Variants in ROBO1 observed in about 807,000 individuals in gnomAD.
ROBO1 encodes the protein roundabout homolog 1.
In ROBO1, 149 loss-of-function variants were observed where a neutral mutation model predicts 195.9. The observed-to-expected ratio is 0.76, with a 90% CI of 0.67 to 0.87. The LOEUF is 0.87. Ranked by LOEUF, ROBO1 falls within the 40% of genes least tolerant of loss-of-function variation. ROBO1 has a pLI of 0.00. For synonymous variants in ROBO1, 816 were observed against 733.2 expected (o/e 1.11, Z -1.82); for missense variants, 1,933 against 2,068.3 (o/e 0.93, Z 1.27).
intron 10 of ROBO1, among the ~76,000 whole-genome samples, chr3:78,680,634 T>C (rs1216036876): frequency 6.0e-5 from 9 of 150,248 alleles, no homozygotes; most frequent in African/African-American, 2.0e-4. Flanking sequence ...CACAATGAGA[T>C]ACCATCTCAC....
At chr3:79,687,186 C>T (rs1182648770) in intron 1 of ROBO1, among the ~76,000 whole-genome samples, 2 of 152,182 alleles carry the variant, frequency 1.3e-5, no homozygotes, top group Non-Finnish European at 2.9e-5. Flanking sequence ...GAAGCTGCGT[C>T]CCTTCTTTAC....
At chr3:79,339,967 A>G (rs897058839) in intron 2 of ROBO1, among the ~76,000 whole-genome samples, 1 of 152,100 alleles carries the variant, frequency 6.6e-6, no homozygotes, top group African/African-American at 2.4e-5. Flanking sequence ...TGATCTTACA[A>G]TTTAATGACA....
At chr3:79,321,650 C>G (rs1463117393) in intron 2 of ROBO1, among the ~76,000 whole-genome samples, 3 of 152,082 alleles carry the variant, frequency 2.0e-5, no homozygotes, top group Non-Finnish European at 2.9e-5. Flanking sequence ...TGATATGAAC[C>G]CTATAATAAG....
intron 2 of ROBO1, among the ~76,000 whole-genome samples, chr3:79,319,423 T>A (rs2033880874): frequency 6.6e-6 from 1 of 152,176 alleles, no homozygotes; most frequent in Admixed American, 6.5e-5. Context: ...AAATTTTTCA[T>A]TGATCAATTG....
chr3:79,394,525 G>A (rs1012878490), intron 2 of ROBO1, among the ~76,000 whole-genome samples: 9 of 151,266 alleles, frequency 5.9e-5, no homozygotes, highest in Non-Finnish European at 1.2e-4. Flanking sequence ...CATATATACA[G>A]ATATAGATAT....
chr3:78,830,925 GT>G (rs1450954093), intron 4 of ROBO1, among the ~76,000 whole-genome samples: 1 of 151,590 alleles, frequency 6.6e-6, no homozygotes, highest in Non-Finnish European at 1.5e-5. Context: ...TTTTGTTTTT[GT>G]TTTTGAGATG....
intron 2 of ROBO1, among the ~76,000 whole-genome samples, chr3:79,243,720 C>T (rs2082567955): frequency 6.6e-6 from 1 of 152,072 alleles, no homozygotes; most frequent in South Asian, 2.1e-4. Context: ...ATCGTAGATT[C>T]TGGATATTAG....
intron 4 of ROBO1, among the ~76,000 whole-genome samples, chr3:78,920,548 G>A (rs1310846997): frequency 6.7e-6 from 1 of 148,158 alleles, no homozygotes; most frequent in African/African-American, 2.5e-5. Context: ...CTGATGATCC[G>A]CCCACCTCGG....
At chr3:79,150,645 A>C (rs928418856) in intron 2 of ROBO1, among the ~76,000 whole-genome samples, 4 of 151,850 alleles carry the variant, frequency 2.6e-5, no homozygotes, top group Admixed American at 1.3e-4. Context: ...AAACATTAAA[A>C]ATTCCTAAGA....
intron 4 of ROBO1, among the ~76,000 whole-genome samples, chr3:78,777,519 C>A (rs1179359182): frequency 6.6e-6 from 1 of 152,106 alleles, no homozygotes; most frequent in Non-Finnish European, 1.5e-5. Flanking sequence ...AACCAGCATT[C>A]TTCATATTTG....
intron 2 of ROBO1, among the ~76,000 whole-genome samples, chr3:79,224,162 AG>A (rs2082187177): frequency 6.6e-6 from 1 of 152,172 alleles, no homozygotes; most frequent in African/African-American, 2.4e-5. Flanking sequence ...ACAGAAAAAA[AG>A]GTCTTGAACA....
At chr3:79,676,930 T>C (rs1264927781) in intron 1 of ROBO1, among the ~76,000 whole-genome samples, 1 of 152,068 alleles carries the variant, frequency 6.6e-6, no homozygotes, top group Non-Finnish European at 1.5e-5. Flanking sequence ...GATTGAGGGC[T>C]CTGAATGGAT....
intron 2 of ROBO1, among the ~76,000 whole-genome samples, chr3:79,263,610 C>G (rs2082980555): frequency 6.6e-6 from 1 of 152,022 alleles, no homozygotes; most frequent in South Asian, 2.1e-4. Flanking sequence ...CAACTGCACT[C>G]CAGCCTGTGA....
chr3:78,662,959 T>C (rs1437996479), intron 14 of ROBO1, among the ~76,000 whole-genome samples: 2 of 152,142 alleles, frequency 1.3e-5, no homozygotes, highest in Non-Finnish European at 1.5e-5. Context: ...TAAACACAGA[T>C]GTTTTGCTTT....
intron 2 of ROBO1, among the ~76,000 whole-genome samples, chr3:79,453,857 G>C (rs1029894985): frequency 6.6e-6 from 1 of 152,050 alleles, no homozygotes; most frequent in African/African-American, 2.4e-5. Flanking sequence ...CCTGTAATGG[G>C]CAAAGTCATG....
intron 3 of ROBO1, among the ~76,000 whole-genome samples, chr3:79,052,148 G>A (rs1482009261): frequency 6.6e-6 from 1 of 152,054 alleles, no homozygotes; most frequent in East Asian, 1.9e-4. Context: ...AAATATCACT[G>A]AATTCTTTTT....
chr3:79,357,466 A>G (rs909495863), intron 2 of ROBO1, among the ~76,000 whole-genome samples: 3 of 152,194 alleles, frequency 2.0e-5, no homozygotes, highest in Admixed American at 1.3e-4. Flanking sequence ...TAATTGGGGT[A>G]ATTACAAGGA....
At chr3:78,971,000 T>C (rs1480106847) in intron 3 of ROBO1, among the ~76,000 whole-genome samples, 2 of 151,590 alleles carry the variant, frequency 1.3e-5, no homozygotes, top group Non-Finnish European at 2.9e-5. Flanking sequence ...AATATACACA[T>C]ACAATACTAG....
chr3:79,211,477 G>T (rs1265068556), intron 2 of ROBO1, among the ~76,000 whole-genome samples: 1 of 152,116 alleles, frequency 6.6e-6, no homozygotes, highest in Non-Finnish European at 1.5e-5. Context: ...GCATGACCCA[G>T]CTCTCACCCC....
Sources: allele counts gnomAD v4.1 joint callset (sites outside exome capture counted in the v4.1 genomes callset), GRCh38; gene constraint gnomAD v4.1.1; transcripts MANE v1.5; gene names NCBI Gene and HGNC (gene_info 2026-07-23, HGNC 2026-07-21).